ENTHD1: variants seen among roughly 807,000 people sequenced by gnomAD.
ENTHD1 encodes ENTH domain containing 1, also known as ENTH domain-containing protein 1.
Under a neutral mutation model 39.1 loss-of-function variants are expected in ENTHD1, and 23 were observed. The observed-to-expected ratio is 0.59, with a 90% confidence interval of 0.42 to 0.83. The LOEUF is 0.83. Among genes scored for constraint, ENTHD1 ranks in the 40% least tolerant of loss-of-function variants. ENTHD1 has a pLI of 0.00. For missense variants in ENTHD1, 624 were observed against 705.4 expected (o/e 0.88, Z 1.31); for synonymous variants, 230 against 258.2 (o/e 0.89, Z 1.05).
chr22:39,891,905 C>T (rs1468523476), intron 1 of ENTHD1, among the ~76,000 whole-genome samples: 1 of 152,058 alleles, frequency 6.6e-6, no homozygotes, highest in Non-Finnish European at 1.5e-5. Flanking sequence ...CAGGTGTGAG[C>T]CACCGTGCTT....
intron 2 of ENTHD1, among the ~76,000 whole-genome samples, chr22:39,876,923 C>T (rs929988107): frequency 6.6e-6 from 1 of 152,136 alleles, no homozygotes; most frequent in Non-Finnish European, 1.5e-5. Flanking sequence ...GTACTAAGTG[C>T]TAGGAACACT....
intron 5 of ENTHD1, among the ~76,000 whole-genome samples, chr22:39,775,517 C>G (rs1282421789): frequency 6.6e-6 from 1 of 152,074 alleles, no homozygotes; most frequent in Non-Finnish European, 1.5e-5. Flanking sequence ...TCCCAAATCC[C>G]AAATCAATGT....
rs142286282 is a variant in ENTHD1, at chr22:39,824,354, C to T, written c.712-3241G>A. ...CCTCCCAAGTAGCTGGGATTACAGG[C>T]GCATGCCACCACGACCAGGTAATTT... On this transcript the variant is annotated intron_variant, in intron 4 of 6. Transcript: ENST00000325157. 1.4e-4 allele frequency among the ~76,000 whole-genome samples: 21 copies of T among 151,812 alleles called. No individual in the cohort carries two copies. The East Asian group carries it at 3.3e-3, about 24-fold the overall frequency.
intron 5 of ENTHD1, among the ~76,000 whole-genome samples, chr22:39,812,695 G>A (rs1312953700): frequency 6.6e-6 from 1 of 152,194 alleles, no homozygotes; most frequent in African/African-American, 2.4e-5. Flanking sequence ...CATCCAGAAT[G>A]CCCGGAGTGG....
chr22:39,750,731 A>G (rs1454668624), intron 6 of ENTHD1: 2 of 152,636 alleles, frequency 1.3e-5, no homozygotes, highest in East Asian at 3.8e-4. Context: ...GTTCCTTTGT[A>G]GAGTGTATAA....
chr22:39,779,834 T>C (rs545741132), intron 5 of ENTHD1, among the ~76,000 whole-genome samples: 2 of 152,356 alleles, frequency 1.3e-5, no homozygotes, highest in African/African-American at 4.8e-5. Context: ...TATTATTTTC[T>C]TTGTGATCTA....
At chr22:39,745,575 G>C (rs1412346016) in intron 6 of ENTHD1, among the ~76,000 whole-genome samples, 1 of 152,168 alleles carries the variant, frequency 6.6e-6, no homozygotes, top group Non-Finnish European at 1.5e-5. Context: ...TGCAGCAGCA[G>C]GGACATGAAA....
chr22:39,797,170 T>C (rs1465833054), intron 5 of ENTHD1, among the ~76,000 whole-genome samples: 2 of 152,172 alleles, frequency 1.3e-5, no homozygotes, highest in African/African-American at 4.8e-5. Context: ...CTGATATTAG[T>C]ATAGGTATTC....
At chr22:39,816,099 C>T (rs1336486813) in intron 5 of ENTHD1, among the ~76,000 whole-genome samples, 1 of 152,086 alleles carries the variant, frequency 6.6e-6, no homozygotes, top group Non-Finnish European at 1.5e-5. Flanking sequence ...AGCAGATCGT[C>T]ACGTGCCTAT....
chr22:39,769,319 A>G (rs2065303774), intron 5 of ENTHD1, among the ~76,000 whole-genome samples: 2 of 152,224 alleles, frequency 1.3e-5, no homozygotes, highest in South Asian at 4.1e-4. Context: ...AAAGAAGCAC[A>G]AACGAGGGAC....
intron 5 of ENTHD1, among the ~76,000 whole-genome samples, chr22:39,783,892 G>C (rs2065433002): frequency 6.6e-6 from 1 of 152,038 alleles, no homozygotes; most frequent in African/African-American, 2.4e-5. Flanking sequence ...AGCAAATTTA[G>C]ACAAATGGAA....
intron 5 of ENTHD1, among the ~76,000 whole-genome samples, chr22:39,805,279 C>A (rs1482591982): frequency 6.6e-6 from 1 of 152,186 alleles, no homozygotes; most frequent in African/African-American, 2.4e-5. Context: ...CTTCACCTCA[C>A]AGCTGAAGGA....
intron 2 of ENTHD1, chr22:39,875,324 G>C: frequency 7.7e-7 from 1 of 1,305,034 alleles, no homozygotes; most frequent in Non-Finnish European, 9.7e-7. Context: ...GGGCCCGTTC[G>C]CGCCCGTCCT....
rs372878675 is a variant in ENTHD1, at chr22:39,799,237, C to G, written c.832+21756G>C. ...GTATACCTCGGCCCTACCGCAATTG[C>G]GGGGAGGGGAGGGTGTGCTCACAGT... On this transcript the variant is annotated intron_variant, in intron 5 of 6. Coordinates refer to ENST00000325157, the MANE Select transcript of ENTHD1 (RefSeq NM_152512.4). Among the ~76,000 whole-genome samples, 185 of 152,206 alleles carry G rather than the reference C, an allele frequency of 1.2e-3. 1 individual carries two copies. Among genetic ancestry groups the G allele is most frequent in the African/African-American group, 4.0e-3 (166 of 41,532 alleles).
At chr22:39,811,928 G>A (rs976833887) in intron 5 of ENTHD1, among the ~76,000 whole-genome samples, 3 of 151,782 alleles carry the variant, frequency 2.0e-5, no homozygotes, top group Admixed American at 6.6e-5. Context: ...GCAGTGAGCC[G>A]AGATCAAGTC....
chr22:39,792,050 C>G lies in ENTHD1; in HGVS notation c.833-26441G>C, dbSNP rs2065508495. On this transcript the variant is annotated intron_variant, in intron 5 of 6. Transcript: ENST00000325157. ...ATGGTCCCCAGCTCCAACCATGTTCCTGCAAAGGACATGATCTCATTCTTT... is the reference window on the plus strand; with the variant it reads ...ATGGTCCCCAGCTCCAACCATGTTCGTGCAAAGGACATGATCTCATTCTTT... 3.3e-5 allele frequency among the ~76,000 whole-genome samples: 5 copies of G among 152,260 alleles called. No individual in the cohort carries two copies. The South Asian group carries it at 1.0e-3, about 32-fold the overall frequency.
chr22:39,877,050 C>G (rs527489967), intron 2 of ENTHD1, among the ~76,000 whole-genome samples: 1 of 152,130 alleles, frequency 6.6e-6, no homozygotes, highest in Non-Finnish European at 1.5e-5. Context: ...AGACTACCTG[C>G]GAATGTTAAC....
intron 5 of ENTHD1, among the ~76,000 whole-genome samples, chr22:39,787,602 T>C (rs2065469737): frequency 6.6e-6 from 1 of 152,134 alleles, no homozygotes; most frequent in Non-Finnish European, 1.5e-5. Context: ...GTGGTCCAAA[T>C]AGATCAAACC....
intron 5 of ENTHD1, among the ~76,000 whole-genome samples, chr22:39,774,063 TAGAC>T: frequency 6.6e-6 from 1 of 152,232 alleles, no homozygotes; most frequent in African/African-American, 2.4e-5. Flanking sequence ...TCTAGAGACA[TAGAC>T]AGAACCAGGG....
Sources: gnomAD v4.1 joint callset for allele counts (sites outside exome capture counted in the v4.1 genomes callset) on GRCh38, gnomAD v4.1.1 for gene constraint, MANE v1.5 for transcripts, NCBI Gene and HGNC (gene_info 2026-07-23, HGNC 2026-07-21) for gene names.